Variants in SUGCT observed in about 807,000 individuals in gnomAD.
SUGCT encodes succinyl-CoA:glutarate-CoA transferase.
In SUGCT, 41 loss-of-function variants were observed where a neutral mutation model predicts 55.0. The ratio of observed to expected loss-of-function variants is 0.74; its 90% CI spans 0.58 to 0.97. SUGCT has a LOEUF of 0.97. SUGCT is among the 50% of genes least tolerant of loss of function. SUGCT has a pLI of 0.00. For missense variants in SUGCT, 568 were observed against 547.8 expected (o/e 1.04, Z -0.37); for synonymous variants, 187 against 200.4 (o/e 0.93, Z 0.56).
intron 6 of SUGCT, among the ~76,000 whole-genome samples, chr7:40,221,749 C>T (rs2150827888): frequency 6.6e-6 from 1 of 152,018 alleles, no homozygotes; most frequent in East Asian, 1.9e-4. Context: ...CCTCAGCCTC[C>T]CAAAGTGCTG....
chr7:40,756,414 A>G (rs1332191797), intron 13 of SUGCT, among the ~76,000 whole-genome samples: 4 of 152,172 alleles, frequency 2.6e-5, no homozygotes, highest in African/African-American at 9.7e-5. Context: ...TTAGTTTTCA[A>G]TTTGAAGCCT....
the SUGCT span, among the ~76,000 whole-genome samples, chr7:41,021,907 T>C: frequency 6.6e-6 from 1 of 151,972 alleles, no homozygotes; most frequent in African/African-American, 2.4e-5. Context: ...GAATGCAGCA[T>C]GGAGTGATAC....
At chr7:40,358,732 T>TAAC (rs60456660) in intron 9 of SUGCT, among the ~76,000 whole-genome samples, 23 of 149,328 alleles carry the variant, frequency 1.5e-4, no homozygotes, top group South Asian at 1.0e-3. Context: ...ACAACAACAA[T>TAAC]AACAACAACA....
intron 8 of SUGCT, among the ~76,000 whole-genome samples, chr7:40,298,259 G>A (rs1794300741): frequency 2.0e-5 from 3 of 152,056 alleles, no homozygotes; most frequent in Non-Finnish European, 4.4e-5. Flanking sequence ...GTTAGTGAGG[G>A]GAAGAGGAAG....
At chr7:40,760,641 A>G (rs759601635) in intron 13 of SUGCT, among the ~76,000 whole-genome samples, 2 of 152,190 alleles carry the variant, frequency 1.3e-5, no homozygotes, top group Admixed American at 1.3e-4. Flanking sequence ...GATTCATAAA[A>G]ATATTAATTA....
the SUGCT span, among the ~76,000 whole-genome samples, chr7:41,006,588 T>C: frequency 6.6e-6 from 1 of 152,204 alleles, no homozygotes; most frequent in Non-Finnish European, 1.5e-5. Context: ...TGAGTTCTCA[T>C]GGAAAATTAA....
chr7:40,267,136 T>C (rs1405408559), intron 7 of SUGCT, among the ~76,000 whole-genome samples: 1 of 152,158 alleles, frequency 6.6e-6, no homozygotes, highest in African/African-American at 2.4e-5. Context: ...AGAAGACTTT[T>C]AGTATTTTTA....
chr7:40,710,860 C>G (rs1785673375), intron 12 of SUGCT, among the ~76,000 whole-genome samples: 2 of 152,046 alleles, frequency 1.3e-5, no homozygotes, highest in Admixed American at 1.3e-4. Flanking sequence ...AAGATGCCAT[C>G]TAAAATAAAC....
intron 7 of SUGCT, among the ~76,000 whole-genome samples, chr7:40,251,476 G>A (rs1790399367): frequency 6.6e-6 from 1 of 152,140 alleles, no homozygotes; most frequent in African/African-American, 2.4e-5. Flanking sequence ...TACCACAGGA[G>A]GCCAAGCCTT....
intron 9 of SUGCT, among the ~76,000 whole-genome samples, chr7:40,317,594 T>C (rs548480692): frequency 6.6e-6 from 1 of 152,266 alleles, no homozygotes; most frequent in Admixed American, 6.5e-5. Flanking sequence ...TGGAAGCACA[T>C]GTTAGGTACT....
intron 6 of SUGCT, among the ~76,000 whole-genome samples, chr7:40,231,469 C>G (rs1788722609): frequency 6.6e-6 from 1 of 152,104 alleles, no homozygotes; most frequent in Non-Finnish European, 1.5e-5. Flanking sequence ...TCATAAAATG[C>G]TAGAGAATTC....
intron 12 of SUGCT, among the ~76,000 whole-genome samples, chr7:40,675,763 A>G (rs1159326820): frequency 6.6e-6 from 1 of 152,222 alleles, no homozygotes; most frequent in African/African-American, 2.4e-5. Context: ...GAGCAGTAAG[A>G]GTTCGGAGAC....
At chr7:40,420,053 C>T (rs750204401) in intron 9 of SUGCT, among the ~76,000 whole-genome samples, 2 of 152,104 alleles carry the variant, frequency 1.3e-5, no homozygotes, top group Non-Finnish European at 2.9e-5. Context: ...TCAGCACTTA[C>T]TGTGTGGTAA....
chr7:41,007,213 C>G, the SUGCT span, among the ~76,000 whole-genome samples: 36 of 151,844 alleles, frequency 2.4e-4, no homozygotes, highest in Middle Eastern at 3.2e-3. Flanking sequence ...AGTCATCATT[C>G]AAAAACAAAG....
intron 13 of SUGCT, among the ~76,000 whole-genome samples, chr7:40,770,437 A>G (rs1285293736): frequency 6.6e-6 from 1 of 152,122 alleles, no homozygotes; most frequent in Non-Finnish European, 1.5e-5. Flanking sequence ...TCTTTGCAGT[A>G]CAAGATGGCA....
At chr7:40,867,235 T>C in the SUGCT span, among the ~76,000 whole-genome samples, 8 of 149,606 alleles carry the variant, frequency 5.3e-5, no homozygotes, top group South Asian at 1.7e-3. Context: ...TGTCTCTATC[T>C]CTCCGCATAT....
chr7:40,448,230 C>CTCCG (rs1307933188), intron 9 of SUGCT, among the ~76,000 whole-genome samples: 1 of 141,340 alleles, frequency 7.1e-6, no homozygotes, highest in African/African-American at 2.6e-5. Context: ...CCCTCCCTCC[C>CTCCG]TCCCTCCCTC....
At chr7:40,247,792 C>T (rs1790005419) in intron 7 of SUGCT, among the ~76,000 whole-genome samples, 1 of 152,108 alleles carries the variant, frequency 6.6e-6, no homozygotes, top group African/African-American at 2.4e-5. Flanking sequence ...GAGATGTATA[C>T]ATTGCTGATA....
the SUGCT span, among the ~76,000 whole-genome samples, chr7:40,985,332 T>G: frequency 6.6e-6 from 1 of 152,110 alleles, no homozygotes; most frequent in Admixed American, 6.6e-5. Context: ...GCGTTGAGCT[T>G]TCATTACAAA....
Sources: allele counts gnomAD v4.1 joint callset (sites outside exome capture counted in the v4.1 genomes callset), GRCh38; gene constraint gnomAD v4.1.1; transcripts MANE v1.5; gene names NCBI Gene and HGNC (gene_info 2026-07-23, HGNC 2026-07-21).